The following CPNE3 variants were observed in gnomAD, a reference collection of about 807,000 sequenced individuals.
The protein encoded by CPNE3 is copine 3.
Under a neutral mutation model 63.9 loss-of-function variants are expected in CPNE3, and 68 were observed. The observed-to-expected ratio is 1.06, with a 90% CI of 0.87 to 1.30. The LOEUF is 1.30. Ranked by LOEUF, CPNE3 falls within the 50% of genes most tolerant of loss-of-function variation. The probability of loss-of-function intolerance (pLI) is 0.00; values close to 1 mark genes in which losing one functional copy is unlikely to be tolerated. For missense variants in CPNE3, 665 were observed against 578.1 expected, an observed-to-expected ratio of 1.15 and a Z score of -1.54; for synonymous variants, 219 against 197.5, an observed-to-expected ratio of 1.11 and a Z score of -0.91.
intron 10 of CPNE3, chr8:86,547,402 A>T (rs763330812): frequency 4.2e-5 from 9 of 212,038 alleles, no homozygotes; most frequent in Non-Finnish European, 7.4e-5. Context: ...TAAAATGTTG[A>T]CTGCTATGCT....
intron 7 of CPNE3, among the ~76,000 whole-genome samples, chr8:86,539,748 C>T (rs1183929905): frequency 6.7e-6 from 1 of 149,866 alleles, no homozygotes; most frequent in Non-Finnish European, 1.5e-5. Flanking sequence ...CGGCAACCTC[C>T]ACCTCCCAGG....
intron 2 of CPNE3, among the ~76,000 whole-genome samples, chr8:86,515,915 C>G (rs1296027942): frequency 6.6e-6 from 1 of 152,004 alleles, no homozygotes; most frequent in Non-Finnish European, 1.5e-5. Context: ...AGGGAAACAG[C>G]AAAGGATGGG....
At chr8:86,538,794 G>C (rs368454891) in intron 7 of CPNE3, among the ~76,000 whole-genome samples, 44 of 152,230 alleles carry the variant, frequency 2.9e-4, no homozygotes, top group African/African-American at 1.1e-3. Flanking sequence ...ATGGTGCCAG[G>C]CTGCCCAGCA....
At chr8:86,548,154 A>T in intron 11 of CPNE3, 147 bp from the exon 12 acceptor site, 2 of 750,876 alleles carry the variant, frequency 2.7e-6, no homozygotes, top group Non-Finnish European at 4.3e-6. Context: ...TTACTTGTTT[A>T]ATTGTCTATG....
Position 86,515,416 on chromosome 8 carries a change from C to T in CPNE3, c.-48-46C>T, listed in dbSNP as rs1403564305. 3 of 152,174 alleles carry T rather than the reference C, an allele frequency of 2.0e-5. No individual in the cohort carries two copies. In the South Asian group the frequency reaches 6.2e-4, roughly 32 times the overall value. 9.4% of individuals were successfully genotyped at this position (152,174 alleles called of 1,614,324 possible). On this transcript the variant is annotated intron_variant, in intron 1 of 16. Coordinates refer to ENST00000517490, the MANE Select transcript of CPNE3 (RefSeq NM_003909.5). ...TTTTTATATGTTAGGTTATTTAACG[C>T]TCCCAAGCACTTATTAAAGTGATGT...
chr8:86,532,276 T>A (rs1368330001), intron 5 of CPNE3, among the ~76,000 whole-genome samples: 3 of 152,252 alleles, frequency 2.0e-5, no homozygotes, highest in Non-Finnish European at 4.4e-5. Context: ...CAACCACATT[T>A]CAAAAGACAT....
At chr8:86,548,942 G>A (rs905838879) in intron 12 of CPNE3, among the ~76,000 whole-genome samples, 3 of 151,812 alleles carry the variant, frequency 2.0e-5, no homozygotes, top group Admixed American at 6.6e-5. Context: ...TTTTTTTAAC[G>A]GTGACTTTTA....
intron 4 of CPNE3, among the ~76,000 whole-genome samples, chr8:86,530,068 A>G (rs138192449): frequency 3.8e-4 from 58 of 152,190 alleles, no homozygotes; most frequent in African/African-American, 1.1e-3. Flanking sequence ...CATCAGATGT[A>G]TATCTGTTTG....
chr8:86,525,228 C>T (rs552785878), intron 2 of CPNE3, among the ~76,000 whole-genome samples: 1 of 152,166 alleles, frequency 6.6e-6, no homozygotes, highest in East Asian at 1.9e-4. Flanking sequence ...CTCAAGCAAT[C>T]CTACTGCCTC....
At chr8:86,526,012 T>C (rs758661591) in intron 2 of CPNE3, among the ~76,000 whole-genome samples, 6 of 152,152 alleles carry the variant, frequency 3.9e-5, no homozygotes, top group Non-Finnish European at 5.9e-5. Flanking sequence ...TTTTTACTGA[T>C]GAGGAAATCT....
chr8:86,547,922 A>G, intron 11 of CPNE3, 152 bp downstream of exon 11: 1 of 594,886 alleles, frequency 1.7e-6, no homozygotes, highest in Non-Finnish European at 3.0e-6. Flanking sequence ...TGGGCTCATC[A>G]TGAAGCTCTC....
At position 86,548,399 on chromosome 8, in the gene CPNE3, C is replaced by G. The variant is rs1226912181; in HGVS notation, c.978C>G (p.Leu326=). 6.2e-7 allele frequency: 1 copy of G among 1,613,994 alleles called. No individual in the cohort carries two copies. Among genetic ancestry groups the G allele is most frequent in the African/African-American group, 1.3e-5 (1 of 74,894 alleles). The change falls in exon 12 of 17, where the codon CTC becomes CTG. Residue 326 remains leucine, a synonymous_variant. Coordinates refer to ENST00000517490, the MANE Select transcript of CPNE3 (RefSeq NM_003909.5). ...PNGVNEYLTA[L]WSVGLVIQDY... is the part of the protein sequence containing the mutation. The stretch of plus-strand genomic sequence containing the variant: ...GCGTTAATGAGTATTTGACTGCTCT[C>G]TGGTCTGTGGGACTGGTCATTCAAG...
At chr8:86,516,254 C>T (rs968569161) in intron 2 of CPNE3, among the ~76,000 whole-genome samples, 3 of 151,982 alleles carry the variant, frequency 2.0e-5, no homozygotes, top group Admixed American at 1.3e-4. Flanking sequence ...AGGTCTAGTC[C>T]CTGAAGAATA....
chr8:86,549,133 TG>T lies in CPNE3; in HGVS notation c.1013+700del, dbSNP rs554467439. 7.2e-3 allele frequency among the ~76,000 whole-genome samples: 1,099 copies of T among 152,320 alleles called. 13 individuals are homozygous for T. The highest frequency in any genetic ancestry group is 0.025 in the African/African-American group (1,045 of 41,580). On this transcript the variant is annotated intron_variant, in intron 12 of 16. Transcript: ENST00000517490. ...TAAGAGTACAGAATAAAATTTCACT[TG>T]CTTTTGTCTATTATTATTTTATTTA...
At position 86,540,327 on chromosome 8, in the gene CPNE3, C is replaced by A; in HGVS notation, c.626C>A (p.Thr209Asn). 4.7e-6 allele frequency: 7 copies of A among 1,480,096 alleles called. No individual in the cohort carries two copies. Among genetic ancestry groups the A allele is most frequent in the Admixed American group, 2.4e-5 (1 of 42,034 alleles). The allele number at this position is 1,480,096 out of a possible 1,614,324, so 91.7% of individuals were successfully genotyped here. ...NSLCYGDMDK[T>N]IKVECYDYDN... ...CTGTGTTACGGAGATATGGACAAAA[C>A]CATTAAGGTAAGTTGAAATTATATA... The change falls in exon 8 of 17, where the codon ACC becomes AAC. Residue 209 changes from threonine to asparagine, a missense_variant. Physicochemically the swap from Thr to Asn is moderately conservative, Grantham distance 65. Transcript: ENST00000517490.
chr8:86,558,685 G>T lies in CPNE3; in HGVS notation c.*275G>T. 2.9e-6 allele frequency: 1 copy of T among 349,794 alleles called. No homozygotes were observed. Among genetic ancestry groups the T allele is most frequent in the Non-Finnish European group, 5.4e-6 (1 of 186,238 alleles). The allele number at this position is 349,794 out of a possible 1,614,324, so 21.7% of individuals were successfully genotyped here. A position where few individuals can be genotyped will look rare whatever the true frequency, so the allele number is the denominator to read the frequency against. On this transcript the variant is annotated 3_prime_UTR_variant, in exon 17 of 17. Coordinates refer to ENST00000517490, the MANE Select transcript of CPNE3 (RefSeq NM_003909.5). ...AATTAGTGTGGGGAAAGCTTATTCTGTTGTTGTTTTTGTTTACTTTCATAT... is the reference window on the plus strand; with the variant it reads ...AATTAGTGTGGGGAAAGCTTATTCTTTTGTTGTTTTTGTTTACTTTCATAT...
chr8:86,561,108 C>G lies in CPNE3; in HGVS notation c.*2698C>G, dbSNP rs899366231. On this transcript the variant is annotated 3_prime_UTR_variant, in exon 17 of 17. Transcript: ENST00000517490. ...ATAGTGGTGCCTTAGGCAATCTTTC[C>G]AAAGTAAATTCAGGGCCCCATTGCT... The G allele has an allele frequency of 3.9e-5, 6 of 152,140 alleles. No individual in the cohort carries two copies. Among genetic ancestry groups the G allele is most frequent in the African/African-American group, 9.7e-5 (4 of 41,420 alleles). The allele number at this position is 152,140 out of a possible 1,614,324, so 9.4% of individuals were successfully genotyped here. A position where few individuals can be genotyped will look rare whatever the true frequency, so the allele number is the denominator to read the frequency against.
rs887534505 is a variant in CPNE3, at chr8:86,559,288, A to G, written c.*878A>G. On this transcript the variant is annotated 3_prime_UTR_variant, in exon 17 of 17. Transcript: ENST00000517490. Reference sequence around the variant, plus strand: ...AGGACTGTTTTGTCCAGGAAAGATAAGAGGACCAAACATATAAGGTGAAAT... The same window carrying G: ...AGGACTGTTTTGTCCAGGAAAGATAGGAGGACCAAACATATAAGGTGAAAT... 3.3e-5 allele frequency: 5 copies of G among 152,162 alleles called. No individual in the cohort carries two copies. The highest frequency in any genetic ancestry group is 9.7e-5 in the African/African-American group (4 of 41,440). 9.4% of individuals were successfully genotyped at this position (152,162 alleles called of 1,614,324 possible).
rs1275928577 is a variant in CPNE3, at chr8:86,548,369, C to T, written c.948C>T (p.Pro316=). ...RSPDSLHYIS[P]NGVNEYLTAL... is the part of the protein sequence containing the mutation. ...CAGACTCCCTTCATTACATCAGCCC[C>T]AATGGCGTTAATGAGTATTTGACTG... Residue 316 remains proline, a synonymous_variant, in exon 12 of 17, where the codon CCC becomes CCT. Coordinates refer to ENST00000517490, the MANE Select transcript of CPNE3 (RefSeq NM_003909.5). The T allele has an allele frequency of 6.2e-7, 1 of 1,614,020 alleles. No homozygotes were observed. Among genetic ancestry groups the T allele is most frequent in the African/African-American group, 1.3e-5 (1 of 74,910 alleles).
Sources: allele counts gnomAD v4.1 joint callset (sites outside exome capture counted in the v4.1 genomes callset), GRCh38; gene constraint gnomAD v4.1.1; transcripts MANE v1.5; gene names NCBI Gene and HGNC (gene_info 2026-07-23, HGNC 2026-07-21).